The following PADI1 variants were observed in gnomAD, a reference collection of about 807,000 sequenced individuals.
The protein encoded by PADI1 is peptidyl arginine deiminase 1.
A neutral mutation model predicts 74.8 loss-of-function variants in PADI1; 65 were observed. The observed-to-expected ratio is 0.87, with a 90% CI of 0.71 to 1.07. The LOEUF (loss-of-function observed/expected upper bound fraction) is 1.07, where lower values mean the gene tolerates loss of function less well. PADI1 is among the 50% of genes least tolerant of loss of function. The pLI, the probability that PADI1 is intolerant of heterozygous loss-of-function variation, is 0.00. For synonymous variants in PADI1, 371 were observed against 336.2 expected, an observed-to-expected ratio of 1.10 and a Z score of -1.13; for missense variants, 943 against 854.0, an observed-to-expected ratio of 1.10 and a Z score of -1.30.
intron 8 of PADI1, 61 bp downstream of exon 8, chr1:17,229,112 T>C: frequency 9.4e-7 from 1 of 1,058,990 alleles, no homozygotes; most frequent in Non-Finnish European, 1.4e-6. Context: ...GGACAGAAGC[T>C]GCCTCAGGGC....
rs1447217526 is a variant in PADI1 at position 17,229,043 on chromosome 1, T to C, written c.921T>C (p.Tyr307=). 4 of 1,558,796 alleles carry C rather than the reference T, an allele frequency of 2.6e-6. No homozygotes were observed. In the South Asian group the frequency reaches 3.5e-5, roughly 14 times the overall value. The part of the protein sequence containing the change: ...TPNTQPPEEL[Y]VCRVMDTHGS... ...ACACTCAGCCTCCTGAGGAGCTGTA[T>C]GTGTGCAGGTGAGGCTCCCTCCCTC... Residue 307 remains tyrosine, a synonymous_variant, in exon 8 of 16, where the codon TAT becomes TAC. Transcript: ENST00000375471.
rs2072844948 is a variant in PADI1 at position 17,244,505 on chromosome 1, A to T, written c.*262A>T. The T allele has an allele frequency of 3.6e-6, 2 of 559,066 alleles. No individual in the cohort carries two copies. The highest frequency in any genetic ancestry group is 1.9e-5 in the African/African-American group (1 of 53,662). 34.6% of individuals were successfully genotyped at this position (559,066 alleles called of 1,614,324 possible). On this transcript the variant is annotated 3_prime_UTR_variant, in exon 16 of 16. Coordinates refer to ENST00000375471, the MANE Select transcript of PADI1 (RefSeq NM_013358.3). The stretch of plus-strand genomic sequence containing the variant: ...AGCCCCCAGAGGCTCTAGATCAACA[A>T]TGTTAGCATGTTCCAGAATGGCTGT...
At chr1:17,229,950 T>C in intron 8 of PADI1, 135 bp from the exon 9 acceptor site, 1 of 759,312 alleles carries the variant, frequency 1.3e-6, no homozygotes. Flanking sequence ...CATGCGCCTA[T>C]GAGCCTCTCA....
intron 11 of PADI1, 102 bp downstream of exon 11, chr1:17,233,072 G>A: frequency 1.8e-6 from 2 of 1,089,832 alleles, no homozygotes; most frequent in Non-Finnish European, 2.5e-6. Flanking sequence ...TCTGAGAAGT[G>A]ATCTTAACTT....
At chr1:17,226,007 G>T (rs202029460) in intron 5 of PADI1, 26 bp from the exon 6 acceptor site, 4 of 1,612,712 alleles carry the variant, frequency 2.5e-6, no homozygotes, top group Non-Finnish European at 2.5e-6. Flanking sequence ...GAGAAAGGGC[G>T]ATCTCAAGAG....
chr1:17,237,273 T>C (rs768534796), intron 11 of PADI1, 41 bp from the exon 12 acceptor site: 11 of 1,563,208 alleles, frequency 7.0e-6, no homozygotes, highest in Non-Finnish European at 8.6e-6. Context: ...CTGATGCCTC[T>C]CAGGCACAAG....
intron 1 of PADI1, among the ~76,000 whole-genome samples, chr1:17,206,933 G>A (rs1057350754): frequency 2.0e-5 from 3 of 151,948 alleles, no homozygotes; most frequent in African/African-American, 7.3e-5. Flanking sequence ...AACCCACCTC[G>A]GCCTCCCAAA....
At chr1:17,240,904 C>G (rs2072763106) in intron 15 of PADI1, 144 bp downstream of exon 15, 1 of 986,588 alleles carries the variant, frequency 1.0e-6, no homozygotes, top group Non-Finnish European at 1.5e-6. Flanking sequence ...AGAGAACATT[C>G]CCATCAGTGG....
At chr1:17,235,230 G>GAA (rs2072604652) in intron 11 of PADI1, among the ~76,000 whole-genome samples, 2 of 130,722 alleles carry the variant, frequency 1.5e-5, no homozygotes, top group Non-Finnish European at 3.3e-5. Context: ...AGGAAGGAAG[G>GAA]GAGGGAGGGA....
chr1:17,215,720 G>T (rs868447346), intron 1 of PADI1, among the ~76,000 whole-genome samples: 1 of 152,180 alleles, frequency 6.6e-6, no homozygotes, highest in South Asian at 2.1e-4. Flanking sequence ...ATCCTGAGTC[G>T]CTGTGTCCTT....
chr1:17,239,278 A>G (rs1279244029), intron 13 of PADI1, among the ~76,000 whole-genome samples: 1 of 152,164 alleles, frequency 6.6e-6, no homozygotes, highest in Non-Finnish European at 1.5e-5. Context: ...CTGAGTTCAA[A>G]TCCTGATCTT....
At chr1:17,220,268 C>T (rs933084778) in intron 1 of PADI1, among the ~76,000 whole-genome samples, 2 of 151,916 alleles carry the variant, frequency 1.3e-5, no homozygotes, top group East Asian at 1.9e-4. Flanking sequence ...AAGTAGGACT[C>T]GTGATTGTTG....
chr1:17,213,429 C>T (rs919116922), intron 1 of PADI1, among the ~76,000 whole-genome samples: 2 of 152,210 alleles, frequency 1.3e-5, no homozygotes, highest in African/African-American at 4.8e-5. Flanking sequence ...CCCAGCAAGT[C>T]TTTGTTTCTT....
intron 13 of PADI1, 140 bp from the exon 14 acceptor site, chr1:17,239,564 T>A: frequency 1.5e-6 from 1 of 658,736 alleles, no homozygotes; most frequent in Non-Finnish European, 2.8e-6. Flanking sequence ...GGGTTCTCAG[T>A]CTCTGGCTTT....
At chr1:17,242,012 A>G (rs1247921057) in intron 15 of PADI1, among the ~76,000 whole-genome samples, 1 of 152,188 alleles carries the variant, frequency 6.6e-6, no homozygotes, top group Non-Finnish European at 1.5e-5. Flanking sequence ...GGGGAGGGTC[A>G]GTGTGCTTTC....
At chr1:17,205,358 G>A in intron 1 of PADI1, 49 bp downstream of exon 1, 1 of 1,443,678 alleles carries the variant, frequency 6.9e-7, no homozygotes, top group Non-Finnish European at 9.7e-7. Flanking sequence ...GGGTTAGAGT[G>A]TAAGTCAATG....
intron 1 of PADI1, among the ~76,000 whole-genome samples, chr1:17,210,657 G>A (rs1456217478): frequency 6.6e-6 from 1 of 152,134 alleles, no homozygotes; most frequent in Non-Finnish European, 1.5e-5. Flanking sequence ...TGAGGGAGAA[G>A]ACAGGACACA....
chr1:17,242,333 A>G (rs1052629033), intron 15 of PADI1, among the ~76,000 whole-genome samples: 1 of 152,250 alleles, frequency 6.6e-6, no homozygotes, highest in Non-Finnish European at 1.5e-5. Flanking sequence ...TCGGTACAAT[A>G]CAGTCCAGTA....
At chr1:17,226,844 T>C (rs2100466992) in intron 6 of PADI1, among the ~76,000 whole-genome samples, 1 of 151,856 alleles carries the variant, frequency 6.6e-6, no homozygotes, top group South Asian at 2.1e-4. Context: ...GGTCAGGAGA[T>C]CGAGAACATC....
Sources: gnomAD v4.1 joint callset for allele counts (sites outside exome capture counted in the v4.1 genomes callset) on GRCh38, gnomAD v4.1.1 for gene constraint, MANE v1.5 for transcripts, NCBI Gene and HGNC (gene_info 2026-07-23, HGNC 2026-07-21) for gene names.